ZHX2: variants seen among roughly 807,000 people sequenced by gnomAD.
ZHX2 encodes the protein zinc fingers and homeoboxes 2, also known as zinc fingers and homeoboxes protein 2.
Under a neutral mutation model 21.9 loss-of-function variants are expected in ZHX2, and 6 were observed. The observed-to-expected ratio is 0.27, with a 90% CI of 0.15 to 0.54. The LOEUF (loss-of-function observed/expected upper bound fraction) is 0.54, where lower values mean the gene tolerates loss of function less well. ZHX2 is among the 20% of genes least tolerant of loss of function. The pLI is 0.95. For missense variants in ZHX2, 908 were observed against 1,090.7 expected (o/e 0.83, Z 2.36); for synonymous variants, 434 against 437.1 (o/e 0.99, Z 0.09).
chr8:122,858,632 TTCTTTC>T (rs1419426416), intron 1 of ZHX2, among the ~76,000 whole-genome samples: 2 of 135,298 alleles, frequency 1.5e-5, no homozygotes, highest in Non-Finnish European at 3.1e-5. Flanking sequence ...TTTTTTTTCT[TTCTTTC>T]TTTTTTTTTT....
At chr8:122,932,379 G>A (rs560533878) in intron 2 of ZHX2, among the ~76,000 whole-genome samples, 71 of 152,316 alleles carry the variant, frequency 4.7e-4, no homozygotes, top group Non-Finnish European at 4.0e-4. Context: ...GGTATTGGCG[G>A]GCCGGCTCCT....
intron 2 of ZHX2, among the ~76,000 whole-genome samples, chr8:122,943,372 G>T (rs569111760): frequency 6.6e-6 from 1 of 152,330 alleles, no homozygotes; most frequent in South Asian, 2.1e-4. Flanking sequence ...CGTAAAGTTC[G>T]TATCCCAGTT....
chr8:122,831,606 G>C (rs776648048), intron 1 of ZHX2, among the ~76,000 whole-genome samples: 2 of 152,158 alleles, frequency 1.3e-5, no homozygotes, highest in African/African-American at 4.8e-5. Context: ...ACGGGTTGTA[G>C]GGCCACTTGT....
chr8:122,958,237 T>C (rs1813357412), intron 3 of ZHX2, among the ~76,000 whole-genome samples: 1 of 152,208 alleles, frequency 6.6e-6, no homozygotes, highest in Admixed American at 6.5e-5. Flanking sequence ...ACCTCGGCCC[T>C]GAGGTTAGAC....
chr8:122,813,061 C>T (rs1486499788), intron 1 of ZHX2, among the ~76,000 whole-genome samples: 3 of 152,064 alleles, frequency 2.0e-5, no homozygotes, highest in East Asian at 1.9e-4. Context: ...CCGGACGTGG[C>T]GGCACATGCC....
chr8:122,906,321 T>C lies in ZHX2; in HGVS notation c.-220+42782T>C, dbSNP rs144246149. On this transcript the variant is annotated intron_variant, in intron 2 of 3. Coordinates refer to ENST00000314393, the MANE Select transcript of ZHX2 (RefSeq NM_014943.5). ...AGGATCTATTACATTTAAAATGACA[T>C]TTGGTACGAATCTATGAGAAATCGG... 1.2e-4 allele frequency among the ~76,000 whole-genome samples: 18 copies of C among 152,338 alleles called. No individual in the cohort carries two copies. In the East Asian group the frequency reaches 3.1e-3, roughly 26 times the overall value.
At chr8:122,926,491 G>A (rs141322834) in intron 2 of ZHX2, among the ~76,000 whole-genome samples, 22 of 152,318 alleles carry the variant, frequency 1.4e-4, no homozygotes, top group East Asian at 7.7e-4. Context: ...CAAGCCAGCC[G>A]CTTCAGGACG....
At chr8:122,908,910 C>G (rs1197918488) in intron 2 of ZHX2, among the ~76,000 whole-genome samples, 1 of 152,186 alleles carries the variant, frequency 6.6e-6, no homozygotes, top group Non-Finnish European at 1.5e-5. Flanking sequence ...GAAACTTGCC[C>G]TGCCCCAGGG....
In ZHX2 at chr8:122,934,236, C is replaced by T. The variant is rs185864287; in HGVS notation, c.-219-17056C>T. Among the ~76,000 whole-genome samples, 743 of 152,268 alleles carry T rather than the reference C, an allele frequency of 4.9e-3. 2 individuals are homozygous for T. Among genetic ancestry groups the T allele is most frequent in the African/African-American group, 0.01 (418 of 41,554 alleles). On this transcript the variant is annotated intron_variant, in intron 2 of 3. Coordinates refer to ENST00000314393, the MANE Select transcript of ZHX2 (RefSeq NM_014943.5). The stretch of plus-strand genomic sequence containing the variant: ...GCCAACCTCCTACAACTGGAAGTGT[C>T]GGATACAGCTGCAATTCAAACCGTT...
chr8:122,917,464 C>T (rs1820633043), intron 2 of ZHX2, among the ~76,000 whole-genome samples: 1 of 152,146 alleles, frequency 6.6e-6, no homozygotes, highest in Non-Finnish European at 1.5e-5. Flanking sequence ...CATCTCTCCC[C>T]ACCCCATGTT....
At chr8:122,867,152 T>C (rs115920702) in intron 2 of ZHX2, among the ~76,000 whole-genome samples, 52 of 152,320 alleles carry the variant, frequency 3.4e-4, no homozygotes, top group Admixed American at 1.7e-3. Context: ...AAACAATTTC[T>C]AAGTCTACCT....
At chr8:122,808,054 C>T (rs560532612) in intron 1 of ZHX2, among the ~76,000 whole-genome samples, 3 of 152,188 alleles carry the variant, frequency 2.0e-5, no homozygotes, top group Non-Finnish European at 4.4e-5. Flanking sequence ...TGAACCATCC[C>T]GTCACCTTGG....
intron 2 of ZHX2, among the ~76,000 whole-genome samples, chr8:122,895,468 T>C (rs1031574338): frequency 6.6e-6 from 1 of 152,230 alleles, no homozygotes; most frequent in Non-Finnish European, 1.5e-5. Flanking sequence ...GCTGAAGTTT[T>C]AGCAATGAAT....
At position 122,921,497 on chromosome 8, in the gene ZHX2, G is replaced by A. The variant is rs140552414; in HGVS notation, c.-219-29795G>A. Among the ~76,000 whole-genome samples, 1,031 of 152,218 alleles carry A rather than the reference G, an allele frequency of 6.8e-3. 2 individuals carry two copies. The highest frequency in any genetic ancestry group is 0.027 in the Middle Eastern group (8 of 294). On this transcript the variant is annotated intron_variant, in intron 2 of 3. Transcript: ENST00000314393. Reference sequence around the variant, plus strand: ...GCCCCTCCCCTGGGGGTTTGGATCCGCAGATCTTAAGTGCTCTCGCCACAA... The same window carrying A: ...GCCCCTCCCCTGGGGGTTTGGATCCACAGATCTTAAGTGCTCTCGCCACAA...
intron 2 of ZHX2, among the ~76,000 whole-genome samples, chr8:122,937,532 G>A (rs1812727475): frequency 6.6e-6 from 1 of 152,036 alleles, no homozygotes; most frequent in South Asian, 2.1e-4. Flanking sequence ...TTCTCCTGGT[G>A]GGGATAAGTG....
At chr8:122,809,513 A>G (rs1817884181) in intron 1 of ZHX2, among the ~76,000 whole-genome samples, 1 of 152,186 alleles carries the variant, frequency 6.6e-6, no homozygotes, top group South Asian at 2.1e-4. Flanking sequence ...AGAACAAAAA[A>G]AAAGAGAGAA....
chr8:122,869,087 C>T (rs1563761229), intron 2 of ZHX2, among the ~76,000 whole-genome samples: 2 of 152,150 alleles, frequency 1.3e-5, no homozygotes, highest in African/African-American at 4.8e-5. Flanking sequence ...GTGAGCTGGG[C>T]TGCACAACCC....
At chr8:122,937,906 G>C (rs1331810305) in intron 2 of ZHX2, among the ~76,000 whole-genome samples, 2 of 116,216 alleles carry the variant, frequency 1.7e-5, no homozygotes, top group East Asian at 2.7e-4. Flanking sequence ...TTTTATTCAT[G>C]TATTATGTTT....
In ZHX2 at chr8:122,951,367, A is replaced by G. The variant is rs1488814399; in HGVS notation, c.-144A>G. 4 of 697,136 alleles carry G rather than the reference A, an allele frequency of 5.7e-6. 1 individual carries two copies. Among genetic ancestry groups the G allele is most frequent in the Non-Finnish European group, 9.4e-6 (4 of 425,772 alleles). 43.2% of individuals were successfully genotyped at this position (697,136 alleles called of 1,614,324 possible). On this transcript the variant is annotated 5_prime_UTR_variant, in exon 3 of 4. Transcript: ENST00000314393. Reference sequence around the variant, plus strand: ...TGCTGAAATCATTCTGAAAACTCAAACAGTAGACTTCAGCACACAAGGAAA... The same window carrying G: ...TGCTGAAATCATTCTGAAAACTCAAGCAGTAGACTTCAGCACACAAGGAAA...
Sources: gnomAD v4.1 joint callset for allele counts (sites outside exome capture counted in the v4.1 genomes callset) on GRCh38, gnomAD v4.1.1 for gene constraint, MANE v1.5 for transcripts, NCBI Gene and HGNC (gene_info 2026-07-23, HGNC 2026-07-21) for gene names.